Variants in CFHR4 observed in about 807,000 individuals in gnomAD.
The protein encoded by CFHR4 is complement factor H related 4, also known as complement factor H-related protein 4.
In CFHR4, 64 loss-of-function variants were observed where a neutral mutation model predicts 69.3. The observed-to-expected ratio is 0.92, with a 90% CI of 0.76 to 1.14. CFHR4 has a LOEUF of 1.14. Among genes scored for constraint, CFHR4 ranks in the 50% most tolerant of loss-of-function variants. The pLI is 0.00. For synonymous variants in CFHR4, 244 were observed against 237.0 expected, an observed-to-expected ratio of 1.03 and a Z score of -0.27; for missense variants, 636 against 684.9, an observed-to-expected ratio of 0.93 and a Z score of 0.80.
chr1:196,907,926 C>T (rs1455758483), intron 5 of CFHR4, among the ~76,000 whole-genome samples: 2 of 151,188 alleles, frequency 1.3e-5, no homozygotes, highest in Non-Finnish European at 2.9e-5. Context: ...AAATGACAGA[C>T]TAGATAAAGA....
At chr1:196,916,306 A>C (rs1658626171) in intron 9 of CFHR4, among the ~76,000 whole-genome samples, 1 of 151,808 alleles carries the variant, frequency 6.6e-6, no homozygotes, top group Admixed American at 6.6e-5. Flanking sequence ...GATACCCATC[A>C]GTCCTTGCAT....
rs987926601 is a variant in CFHR4 at position 196,893,588 on chromosome 1, C to T, written c.58+5380C>T. Among the ~76,000 whole-genome samples the T allele has an allele frequency of 2.0e-5, 3 of 151,538 alleles. No homozygotes were observed. In the South Asian group the frequency reaches 6.2e-4, roughly 31 times the overall value. On this transcript the variant is annotated intron_variant, in intron 1 of 9. Coordinates refer to ENST00000608469, the MANE Select transcript of CFHR4 (RefSeq NM_001201550.3). The stretch of plus-strand genomic sequence containing the variant: ...TTAATTTTTGACTTAAGCTCACAAG[C>T]AGTTCCTTGGAAAATATATTTCACT...
At chr1:196,913,885 G>T (rs2124972620) in intron 7 of CFHR4, among the ~76,000 whole-genome samples, 1 of 151,310 alleles carries the variant, frequency 6.6e-6, no homozygotes, top group Non-Finnish European at 1.5e-5. Flanking sequence ...AGTTTTGGGG[G>T]CTATATCAAT....
At chr1:196,890,492 C>G (rs1249821352) in intron 1 of CFHR4, among the ~76,000 whole-genome samples, 1 of 151,532 alleles carries the variant, frequency 6.6e-6, no homozygotes, top group African/African-American at 2.4e-5. Context: ...TTTCTTCCAT[C>G]AACTTGTAAG....
chr1:196,912,879 T>C lies in CFHR4; in HGVS notation c.1137T>C (p.Ile379=), dbSNP rs201870179. The C allele has an allele frequency of 1.4e-4, 228 of 1,611,652 alleles. 5 individuals carry two copies. Among genetic ancestry groups the C allele is most frequent in the Non-Finnish European group, 1.7e-4 (202 of 1,178,948 alleles). Residue 379 remains isoleucine (I), a synonymous_variant, in exon 7 of 10, where the codon ATT becomes ATC. Coordinates refer to ENST00000608469, the MANE Select transcript of CFHR4 (RefSeq NM_001201550.3). ...CAGATGGAAATTCTTCAGGTTCAAT[T>C]ACATGTTTGCAAAATGGATGGTCAG... ...ATADGNSSGS[I]TCLQNGWSAQ...
At chr1:196,893,982 C>A (rs1460986668) in intron 1 of CFHR4, among the ~76,000 whole-genome samples, 2 of 151,466 alleles carry the variant, frequency 1.3e-5, no homozygotes, top group Non-Finnish European at 2.9e-5. Context: ...GAAGATAACA[C>A]AAAAATTTCT....
rs1658331464 is a variant in CFHR4, at chr1:196,912,534, C to T, written c.998-206C>T. On this transcript the variant is annotated intron_variant, in intron 6 of 9. Coordinates refer to ENST00000608469, the MANE Select transcript of CFHR4 (RefSeq NM_001201550.3). ...TCAAGGATTCTTTGCTTTTATTCTG[C>T]CCTTCCCTGTGTCTTCAACATTTCC... Among the ~76,000 whole-genome samples, 3 of 151,318 alleles carry T rather than the reference C, an allele frequency of 2.0e-5. No homozygotes were observed. In the South Asian group the frequency reaches 6.2e-4, roughly 31 times the overall value.
rs1466381285 is a variant in CFHR4, at chr1:196,912,834, T to C, written c.1092T>C (p.Cys364=). ...YILNKEIQYK[C]KPGYATADGN... is the part of the protein sequence containing the mutation. ...TAAATAAAGAAATACAATATAAATG[T>C]AAACCAGGATATGCAACAGCAGATG... The change falls in exon 7 of 10, where the codon TGT becomes TGC. Residue 364 remains cysteine, a synonymous_variant. Coordinates refer to ENST00000608469, the MANE Select transcript of CFHR4 (RefSeq NM_001201550.3). 2 of 1,609,866 alleles carry C rather than the reference T, an allele frequency of 1.2e-6. No homozygotes were observed. Among genetic ancestry groups the C allele is most frequent in the Non-Finnish European group, 1.7e-6 (2 of 1,178,196 alleles).
At chr1:196,909,882 T>C (rs1658144227) in intron 5 of CFHR4, among the ~76,000 whole-genome samples, 1 of 151,052 alleles carries the variant, frequency 6.6e-6, no homozygotes, top group Non-Finnish European at 1.5e-5. Flanking sequence ...CCAGGCGCGG[T>C]GGCTCACACC....
chr1:196,900,744 T>G (rs1474491471), intron 1 of CFHR4, among the ~76,000 whole-genome samples: 1 of 150,996 alleles, frequency 6.6e-6, no homozygotes, highest in African/African-American at 2.4e-5. Flanking sequence ...AAAGAGAAAA[T>G]AATACAAATA....
chr1:196,918,306 T>C lies in CFHR4; in HGVS notation c.1637T>C (p.Ile546Thr), dbSNP rs749857177. Reference protein sequence around the residue: ...IKYYAKTGDTIEFMCKLGYNA... With the variant: ...IKYYAKTGDTTEFMCKLGYNA... ...TATTATGCAAAAACAGGGGATACCATTGAATTTATGTGTAAATTGGGATAT... is the reference window on the plus strand; with the variant it reads ...TATTATGCAAAAACAGGGGATACCACTGAATTTATGTGTAAATTGGGATAT... Residue 546 changes from isoleucine to threonine, a missense_variant, in exon 10 of 10, where the codon ATT (isoleucine) becomes ACT (threonine). This residue lies in a region of CFHR4 where 85 missense variants were observed against 79.0 expected (regional missense o/e 1.08). Coordinates refer to ENST00000608469, the MANE Select transcript of CFHR4 (RefSeq NM_001201550.3). 8 of 1,610,680 alleles carry C rather than the reference T, an allele frequency of 5.0e-6. No individual in the cohort carries two copies. The highest frequency in any genetic ancestry group is 6.8e-6 in the Non-Finnish European group (8 of 1,178,024).
In CFHR4 at chr1:196,911,606, T is replaced by C. The variant is rs115922444; in HGVS notation, c.997+1128T>C. ...TTGTTTGTGTGTATTGCTTGCAATT[T>C]ACCAAACATTCCATTATAGAAACCA... On this transcript the variant is annotated intron_variant, in intron 6 of 9. Coordinates refer to ENST00000608469, the MANE Select transcript of CFHR4 (RefSeq NM_001201550.3). Among the ~76,000 whole-genome samples the C allele has an allele frequency of 6.0e-3, 915 of 151,590 alleles. 37 individuals carry two copies. The highest frequency in any genetic ancestry group is 0.021 in the African/African-American group (870 of 41,170).
At position 196,907,395 on chromosome 1, in the gene CFHR4, A is replaced by G; in HGVS notation, c.696A>G (p.Pro232=). ...TTSFPQKVYL[P]WSRVEYQCQS... The stretch of plus-strand genomic sequence containing the variant: ...CCTTCCCGCAAAAAGTGTATCTGCC[A>G]TGGTCAAGAGTCGAGTACCAGTGCC... The change falls in exon 5 of 10, where the codon CCA becomes CCG. Residue 232 remains proline, a synonymous_variant. Transcript: ENST00000608469. 6.2e-7 allele frequency: 1 copy of G among 1,612,028 alleles called. No individual in the cohort carries two copies. The highest frequency in any genetic ancestry group is 8.5e-7 in the Non-Finnish European group (1 of 1,179,020).
In CFHR4 at chr1:196,914,689, G is replaced by A. The variant is rs1239605109; in HGVS notation, c.1357+18G>A. 2 of 1,569,988 alleles carry A rather than the reference G, an allele frequency of 1.3e-6. No homozygotes were observed. Among genetic ancestry groups the A allele is most frequent in the Non-Finnish European group, 8.6e-7 (1 of 1,162,478 alleles). On this transcript the variant is annotated intron_variant, in intron 8 of 9. Coordinates refer to ENST00000608469, the MANE Select transcript of CFHR4 (RefSeq NM_001201550.3). ...ATGTTATAGTAAGTATTTTATTCAA[G>A]TATTTTTTATTAGAATTAAATAAAA...
chr1:196,905,035 T>G lies in CFHR4; in HGVS notation c.257-73T>G, dbSNP rs1434180101. The G allele has an allele frequency of 3.8e-6, 5 of 1,323,012 alleles. No homozygotes were observed. In the Admixed American group the frequency reaches 1.3e-4, roughly 34 times the overall value. 82.0% of individuals were successfully genotyped at this position (1,323,012 alleles called of 1,614,324 possible). ...TTCATTGTTTCACCATACTGCCATGTTTTTACTTGTTCCCTTCTATAAAAG... is the reference window on the plus strand; with the variant it reads ...TTCATTGTTTCACCATACTGCCATGGTTTTACTTGTTCCCTTCTATAAAAG... On this transcript the variant is annotated intron_variant, in intron 2 of 9. Transcript: ENST00000608469.
chr1:196,913,080 G>T (rs1658371301), intron 7 of CFHR4, among the ~76,000 whole-genome samples, 158 bp downstream of exon 7: 1 of 151,462 alleles, frequency 6.6e-6, no homozygotes, highest in Non-Finnish European at 1.5e-5. Flanking sequence ...TAAGTCTTTT[G>T]CATGTTTAGA....
At chr1:196,915,945 G>A (rs1401261962) in intron 9 of CFHR4, among the ~76,000 whole-genome samples, 3 of 151,520 alleles carry the variant, frequency 2.0e-5, no homozygotes, top group African/African-American at 7.3e-5. Flanking sequence ...AGAATACATA[G>A]CTGGTTAACA....
In CFHR4 at chr1:196,915,373, C is replaced by A. The variant is rs1658546197; in HGVS notation, c.1540+235C>A. Among the ~76,000 whole-genome samples, 3 of 151,280 alleles carry A rather than the reference C, an allele frequency of 2.0e-5. No homozygotes were observed. The South Asian group carries it at 6.2e-4, about 31-fold the overall frequency. ...GGAATGTCGGCCTGGGGTGGTGGCT[C>A]ACGCCTGTAGTCCCAGCACTTTGGA... On this transcript the variant is annotated intron_variant, in intron 9 of 9. Coordinates refer to ENST00000608469, the MANE Select transcript of CFHR4 (RefSeq NM_001201550.3).
chr1:196,896,419 C>T (rs1259591889), intron 1 of CFHR4, among the ~76,000 whole-genome samples: 1 of 151,610 alleles, frequency 6.6e-6, no homozygotes, highest in Non-Finnish European at 1.5e-5. Flanking sequence ...AAATTCACAT[C>T]AGCCAAGGGG....
Sources: gnomAD v4.1 joint callset for allele counts (sites outside exome capture counted in the v4.1 genomes callset) on GRCh38, gnomAD v4.1.1 for gene constraint, gnomAD v4.1.1 regional missense constraint, MANE v1.5 for transcripts, NCBI Gene and HGNC (gene_info 2026-07-23, HGNC 2026-07-21) for gene names.